The following CACNA1E variants were observed in gnomAD, a reference collection of about 807,000 sequenced individuals.
CACNA1E encodes voltage-dependent R-type calcium channel subunit alpha-1E.
CACNA1E carries 40 observed loss-of-function variants against 259.2 expected under a neutral mutation model. The ratio of observed to expected loss-of-function variants is 0.15; its 90% CI spans 0.12 to 0.20. CACNA1E has a LOEUF of 0.20. Ranked by LOEUF, CACNA1E falls within the 10% of genes least tolerant of loss-of-function variation. The probability of loss-of-function intolerance (pLI) is 1.00; values close to 1 mark genes in which losing one functional copy is unlikely to be tolerated. For synonymous variants in CACNA1E, 1,104 were observed against 1,138.5 expected (o/e 0.97, Z 0.61); for missense variants, 1,874 against 3,040.1 (o/e 0.62, Z 9.02).
intron 3 of CACNA1E, among the ~76,000 whole-genome samples, chr1:181,518,761 C>T (rs1038479373): frequency 1.3e-5 from 2 of 152,136 alleles, no homozygotes; most frequent in African/African-American, 4.8e-5. Flanking sequence ...CACTGTGTTC[C>T]AGATGTAAGA....
intron 1 of CACNA1E, among the ~76,000 whole-genome samples, chr1:181,395,593 A>T (rs1304537839): frequency 6.6e-6 from 1 of 152,210 alleles, no homozygotes; most frequent in East Asian, 1.9e-4. Flanking sequence ...TTACATTTCA[A>T]GTATTTGGAA....
chr1:181,606,846 C>G (rs891919783), intron 6 of CACNA1E, among the ~76,000 whole-genome samples: 6 of 152,214 alleles, frequency 3.9e-5, no homozygotes, highest in Non-Finnish European at 7.3e-5. Context: ...TCGGCGGCCC[C>G]TCCCATTTGG....
chr1:181,484,715 TGTCCTTG>T lies in CACNA1E; in HGVS notation c.266+715_266+721del, dbSNP rs557672630. ...AAAGAGCAGCTCATCAGGCCCATCC[TGTCCTTG>T]GTCCTTGGTTGGGTACTCTTGCTTC... On this transcript the variant is annotated intron_variant, in intron 1 of 47. Transcript: ENST00000367573. Among the ~76,000 whole-genome samples the T allele has an allele frequency of 5.3e-5, 8 of 152,364 alleles. No homozygotes were observed. In the South Asian group the frequency reaches 1.7e-3, roughly 32 times the overall value.
chr1:181,582,531 A>G (rs1329847127), intron 6 of CACNA1E, among the ~76,000 whole-genome samples: 2 of 152,252 alleles, frequency 1.3e-5, no homozygotes, highest in African/African-American at 2.4e-5. Flanking sequence ...GCCTGAAAGG[A>G]GAAGTGTTGC....
intron 1 of CACNA1E, among the ~76,000 whole-genome samples, chr1:181,407,684 G>T (rs748140460): frequency 7.9e-5 from 12 of 152,078 alleles, no homozygotes; most frequent in Non-Finnish European, 1.2e-4. Context: ...TAGCAGGCTG[G>T]CTCAGCTAAG....
intron 34 of CACNA1E, among the ~76,000 whole-genome samples, chr1:181,766,227 G>A (rs1659011875): frequency 6.6e-6 from 1 of 152,154 alleles, no homozygotes; most frequent in South Asian, 2.1e-4. Flanking sequence ...TTTCTGCATG[G>A]CAAGTGGGAT....
chr1:181,773,793 T>C (rs1659732798), intron 37 of CACNA1E, among the ~76,000 whole-genome samples: 1 of 152,228 alleles, frequency 6.6e-6, no homozygotes. Context: ...TGTTTCATAA[T>C]AAATATTTAA....
intron 7 of CACNA1E, among the ~76,000 whole-genome samples, chr1:181,683,528 T>TTCATCACCCAGATAGTGACCATAG (rs1043291982): frequency 8.5e-5 from 13 of 152,208 alleles, no homozygotes; most frequent in African/African-American, 3.1e-4. Context: ...TACAAATGAT[T>TTCATCACCCAGATAGTGACCATAG]TCATCACCCA....
chr1:181,519,731 G>A lies in CACNA1E; in HGVS notation c.512+8221G>A, dbSNP rs79008444. ...GCAGCGATGCCTTACTACCCCTGGC[G>A]ATGAGAATCTGCTGCTTCTTGGTTG... On this transcript the variant is annotated intron_variant, in intron 3 of 47. Transcript: ENST00000367573. Among the ~76,000 whole-genome samples the A allele has an allele frequency of 4.6e-3, 707 of 152,238 alleles. 2 individuals carry two copies. Among genetic ancestry groups the A allele is most frequent in the African/African-American group, 0.017 (691 of 41,546 alleles).
chr1:181,772,343 C>T (rs1659590944), intron 37 of CACNA1E, 112 bp downstream of exon 37: 2 of 1,017,704 alleles, frequency 2.0e-6, no homozygotes, highest in Non-Finnish European at 3.0e-6. Context: ...GCCTCCCTCC[C>T]CTCCTCTCTC....
chr1:181,390,391 T>C (rs1201372478), intron 1 of CACNA1E, among the ~76,000 whole-genome samples: 2 of 151,642 alleles, frequency 1.3e-5, no homozygotes, highest in Admixed American at 6.6e-5. Context: ...AAAGGAGAGG[T>C]GTTGTTTTTG....
At chr1:181,469,535 C>A (rs1182372639) in intron 2 of CACNA1E, among the ~76,000 whole-genome samples, 1 of 152,016 alleles carries the variant, frequency 6.6e-6, no homozygotes, top group East Asian at 1.9e-4. Context: ...AATATAGTAC[C>A]AGACAACAAC....
chr1:181,466,220 C>A, intron 2 of CACNA1E, among the ~76,000 whole-genome samples: 1 of 152,242 alleles, frequency 6.6e-6, no homozygotes, highest in East Asian at 1.9e-4. Context: ...GTCTAAAGAC[C>A]TTATCACTTC....
chr1:181,618,566 A>G (rs1011098302), intron 6 of CACNA1E, among the ~76,000 whole-genome samples: 2 of 152,214 alleles, frequency 1.3e-5, no homozygotes, highest in African/African-American at 4.8e-5. Context: ...CTCCATCTCA[A>G]AAAGAAAGAA....
At chr1:181,335,309 C>G (rs1213972779) in intron 1 of CACNA1E, among the ~76,000 whole-genome samples, 1 of 152,226 alleles carries the variant, frequency 6.6e-6, no homozygotes, top group Non-Finnish European at 1.5e-5. Flanking sequence ...TAAGTTGATG[C>G]TGCAGTTGAA....
intron 24 of CACNA1E, 26 bp from the exon 25 acceptor site, chr1:181,739,121 C>A (rs758717528): frequency 1.7e-5 from 23 of 1,393,254 alleles, no homozygotes; most frequent in South Asian, 4.6e-5. Context: ...TCTTGGCTCA[C>A]TGTGGCTGTT....
chr1:181,321,151 C>T (rs2609482), intron 1 of CACNA1E, among the ~76,000 whole-genome samples: 125,475 of 152,020 alleles, frequency 0.83, 51,997 homozygotes, highest in African/African-American at 0.89. Context: ...ACCTCGAGGA[C>T]GGTGCCAAGC....
chr1:181,670,610 C>G (rs1264866110), intron 7 of CACNA1E, among the ~76,000 whole-genome samples: 1 of 152,128 alleles, frequency 6.6e-6, no homozygotes, highest in East Asian at 1.9e-4. Flanking sequence ...ATATTCTTAC[C>G]TATATTAGAC....
intron 7 of CACNA1E, among the ~76,000 whole-genome samples, chr1:181,707,308 A>G (rs1345521824): frequency 6.6e-6 from 1 of 152,170 alleles, no homozygotes; most frequent in Non-Finnish European, 1.5e-5. Flanking sequence ...TTTAGCCAAG[A>G]GGCTTGGCCA....
Sources: gnomAD v4.1 joint callset for allele counts (sites outside exome capture counted in the v4.1 genomes callset) on GRCh38, gnomAD v4.1.1 for gene constraint, MANE v1.5 for transcripts, NCBI Gene and HGNC (gene_info 2026-07-23, HGNC 2026-07-21) for gene names.